CD46: variants seen among roughly 807,000 people sequenced by gnomAD.
CD46 encodes CD46 molecule, also known as membrane cofactor protein.
In CD46, 30 loss-of-function variants were observed where a neutral mutation model predicts 53.3. That is an observed-to-expected ratio of 0.56 (90% CI 0.42 to 0.76). The LOEUF (loss-of-function observed/expected upper bound fraction) is 0.76, where lower values mean the gene tolerates loss of function less well. Among genes scored for constraint, CD46 ranks in the 30% least tolerant of loss-of-function variants. The pLI is 0.00. For synonymous variants in CD46, 142 were observed against 152.0 expected (o/e 0.93, Z 0.48); for missense variants, 409 against 463.0 (o/e 0.88, Z 1.07).
chr1:207,773,390 C>T (rs779083650), intron 8 of CD46, among the ~76,000 whole-genome samples: 8 of 151,992 alleles, frequency 5.3e-5, no homozygotes, highest in Non-Finnish European at 8.8e-5. Flanking sequence ...ATATCTTTAC[C>T]TCCTTCAGTT....
At chr1:207,754,727 C>T (rs1321402295) in intron 1 of CD46, among the ~76,000 whole-genome samples, 2 of 152,124 alleles carry the variant, frequency 1.3e-5, no homozygotes, top group East Asian at 1.9e-4. Context: ...AAGGATCTGT[C>T]TCCCCTATTT....
Position 207,785,071 on chromosome 1 carries a change from A to C in CD46, c.983A>C (p.Asp328Ala), listed in dbSNP as rs1230304944. 1 of 1,612,558 alleles carries C rather than the reference A, an allele frequency of 6.2e-7. No individual in the cohort carries two copies. The highest frequency in any genetic ancestry group is 1.7e-5 in the Admixed American group (1 of 59,980). Residue 328 changes from aspartate (D) to alanine (A), a missense_variant and splice_region_variant, in exon 10 of 13, where the codon GAT becomes GCT. By Grantham distance (126) the Asp-to-Ala change is moderately radical. Coordinates refer to ENST00000367042, the MANE Select transcript of CD46 (RefSeq NM_172351.3). ...ATCTTGGAACTGTTTTCTTTCTCAG[A>C]TGTTTGGGTCATTGCTGTGATTGTT... is the stretch of plus-strand genomic sequence containing the variant. ...KPEEGILDSLDVWVIAVIVIA... is the reference protein window; with the variant it reads ...KPEEGILDSLAVWVIAVIVIA...
chr1:207,763,453 T>C (rs560339500), intron 5 of CD46, among the ~76,000 whole-genome samples: 1 of 152,016 alleles, frequency 6.6e-6, no homozygotes. Flanking sequence ...GAGCTAGGGC[T>C]CTCCTCAAGG....
At chr1:207,788,383 T>C (rs938191277) in intron 11 of CD46, among the ~76,000 whole-genome samples, 8 of 142,004 alleles carry the variant, frequency 5.6e-5, no homozygotes, top group African/African-American at 1.8e-4. Flanking sequence ...AAAAAAATAG[T>C]GGCGGGCGCC....
intron 1 of CD46, among the ~76,000 whole-genome samples, chr1:207,753,986 T>G (rs1247024002): frequency 6.6e-6 from 1 of 152,214 alleles, no homozygotes. Flanking sequence ...ACACACACAT[T>G]CATGCAGGAA....
At position 207,752,366 on chromosome 1, in the gene CD46, G is replaced by C. The variant is rs1571561538; in HGVS notation, c.97+57G>C. On this transcript the variant is annotated intron_variant, in intron 1 of 12. Transcript: ENST00000367042. This position sits in a 1 kb window ranked among gnomAD's most constrained non-coding sequence, Gnocchi z 4.1. ...GGCGAGACTAGAGCTCTCCTCAGTC[G>C]GGCAAGAGTCGCGGGGCGGGGCTCA... 6.6e-7 allele frequency: 1 copy of C among 1,521,060 alleles called. No homozygotes were observed. The highest frequency in any genetic ancestry group is 9.1e-7 in the Non-Finnish European group (1 of 1,096,976). The allele number at this position is 1,521,060 out of a possible 1,614,324, so 94.2% of individuals were successfully genotyped here.
chr1:207,774,209 T>C (rs1183571051), intron 8 of CD46, among the ~76,000 whole-genome samples: 10 of 87,764 alleles, frequency 1.1e-4, no homozygotes, highest in Non-Finnish European at 2.4e-4. Flanking sequence ...TTGCAACCCC[T>C]TTTTTTTTTG....
chr1:207,766,945 A>T, intron 5 of CD46, 68 bp from the exon 6 acceptor site: 1 of 1,234,478 alleles, frequency 8.1e-7, no homozygotes, highest in Non-Finnish European at 1.2e-6. Context: ...ACTGGAAATT[A>T]CTACTTTGTA....
At chr1:207,791,041 A>G (rs1160262978) in intron 12 of CD46, among the ~76,000 whole-genome samples, 1 of 152,208 alleles carries the variant, frequency 6.6e-6, no homozygotes, top group Non-Finnish European at 1.5e-5. Context: ...AAAGTTTGGG[A>G]GCAGGATCTA....
Position 207,752,589 on chromosome 1 carries a change from G to A in CD46, c.97+280G>A, listed in dbSNP as rs952965682. Reference sequence around the variant, plus strand: ...GCGTGAATCGTGTTTTCGGGATTGAGCCAGTCGGCCAGGGGAGCGCGGACT... The same window carrying A: ...GCGTGAATCGTGTTTTCGGGATTGAACCAGTCGGCCAGGGGAGCGCGGACT... On this transcript the variant is annotated intron_variant, in intron 1 of 12. Transcript: ENST00000367042. The surrounding 1 kb of genome is among the most constrained non-coding windows in gnomAD (Gnocchi z 4.1). Among the ~76,000 whole-genome samples, 2 of 152,244 alleles carry A rather than the reference G, an allele frequency of 1.3e-5. No individual in the cohort carries two copies. The highest frequency in any genetic ancestry group is 4.8e-5 in the African/African-American group (2 of 41,470).
In CD46 at chr1:207,785,116, A is replaced by G; in HGVS notation, c.1018+10A>G. The G allele has an allele frequency of 6.2e-7, 1 of 1,600,004 alleles. No homozygotes were observed. The highest frequency in any genetic ancestry group is 8.6e-7 in the Non-Finnish European group (1 of 1,167,290). On this transcript the variant is annotated intron_variant, in intron 10 of 12. Transcript: ENST00000367042. ...ATTGTTATTGCCATAGGTAAGTATC[A>G]CAAATTTTGACACCACTTAAGTCAA...
intron 8 of CD46, among the ~76,000 whole-genome samples, chr1:207,776,775 C>T (rs556890989): frequency 6.6e-6 from 1 of 152,236 alleles, no homozygotes; most frequent in East Asian, 1.9e-4. Context: ...ACTACAGGCA[C>T]CTGCCACCAC....
intron 8 of CD46, among the ~76,000 whole-genome samples, chr1:207,778,567 G>C (rs1658368250): frequency 6.6e-6 from 1 of 152,090 alleles, no homozygotes; most frequent in Non-Finnish European, 1.5e-5. Flanking sequence ...GCTTGTTTTT[G>C]TCAGTTCTGT....
chr1:207,767,795 TACA>T lies in CD46; in HGVS notation c.875_877del (p.Thr292del). On this transcript the variant is annotated inframe_deletion, in exon 7 of 13. Coordinates refer to ENST00000367042, the MANE Select transcript of CD46 (RefSeq NM_172351.3). ...GTTTTCCAGTGTCGACTTCTTCCAC[TACA>T]AAATCTCCAGCGTCCAGTGCCTCAG... The T allele has an allele frequency of 6.2e-7, 1 of 1,612,952 alleles. No individual in the cohort carries two copies. Among genetic ancestry groups the T allele is most frequent in the East Asian group, 2.2e-5 (1 of 44,840 alleles).
At position 207,757,032 on chromosome 1, in the gene CD46, C is replaced by T; in HGVS notation, c.116C>T (p.Pro39Leu). ...YSFSDACEEP[P>L]TFEAMELIGK... is the part of the protein sequence containing the mutation. The stretch of plus-strand genomic sequence containing the variant: ...TCCCTAGATGCCTGTGAGGAGCCAC[C>T]AACATTTGAAGCTATGGAGCTCATT... The change falls in exon 2 of 13, where the codon CCA becomes CTA. Residue 39 changes from proline to leucine, a missense_variant. Physicochemically the swap from Pro to Leu is moderately conservative, Grantham distance 98. Coordinates refer to ENST00000367042, the MANE Select transcript of CD46 (RefSeq NM_172351.3). The T allele has an allele frequency of 6.2e-7, 1 of 1,613,856 alleles. No homozygotes were observed. Among genetic ancestry groups the T allele is most frequent in the South Asian group, 1.1e-5 (1 of 91,082 alleles).
intron 8 of CD46, among the ~76,000 whole-genome samples, chr1:207,774,158 G>GTC (rs1208518071): frequency 2.6e-5 from 4 of 151,782 alleles, no homozygotes; most frequent in African/African-American, 9.7e-5. Flanking sequence ...TGTCTCTTTT[G>GTC]ATCTTTGTTG....
At chr1:207,779,124 A>G (rs545390795) in intron 8 of CD46, among the ~76,000 whole-genome samples, 2 of 152,224 alleles carry the variant, frequency 1.3e-5, no homozygotes, top group South Asian at 2.1e-4. Context: ...TGATTTTTGT[A>G]TATTGATTTT....
intron 4 of CD46, 169 bp downstream of exon 4, chr1:207,759,893 ATAAT>A (rs1444781245): frequency 7.1e-6 from 4 of 563,502 alleles, no homozygotes; most frequent in Non-Finnish European, 1.3e-5. Flanking sequence ...AGGTTTTTAA[ATAAT>A]TATTGATTCT....
intron 8 of CD46, among the ~76,000 whole-genome samples, chr1:207,771,475 C>T (rs957658012): frequency 6.6e-6 from 1 of 151,870 alleles, no homozygotes; most frequent in Non-Finnish European, 1.5e-5. Context: ...TTTGCCCGTG[C>T]CTATGTCCTG....
Sources: gnomAD v4.1 joint callset for allele counts (sites outside exome capture counted in the v4.1 genomes callset) on GRCh38, gnomAD v4.1.1 for gene constraint, Gnocchi (gnomAD v3.1) non-coding constraint, MANE v1.5 for transcripts, NCBI Gene and HGNC (gene_info 2026-07-23, HGNC 2026-07-21) for gene names.